CD38: variants seen among roughly 807,000 people sequenced by gnomAD.
CD38 encodes the protein CD38 molecule.
CD38 carries 31 observed loss-of-function variants against 36.3 expected under a neutral mutation model. That is an observed-to-expected ratio of 0.85 (90% CI 0.64 to 1.15). CD38 has a LOEUF of 1.15. Ranked by LOEUF, CD38 falls within the 50% of genes most tolerant of loss-of-function variation. The pLI, the probability that CD38 is intolerant of heterozygous loss-of-function variation, is 0.00. For synonymous variants in CD38, 131 were observed against 135.2 expected, an observed-to-expected ratio of 0.97 and a Z score of 0.22; for missense variants, 380 against 371.9, an observed-to-expected ratio of 1.02 and a Z score of -0.18.
At chr4:15,785,028 C>T (rs1722781257) in intron 1 of CD38, among the ~76,000 whole-genome samples, 1 of 150,324 alleles carries the variant, frequency 6.7e-6, no homozygotes, top group African/African-American at 2.5e-5. Flanking sequence ...TACACTCCAG[C>T]CTGGGTGACA....
At chr4:15,841,205 T>TA in intron 7 of CD38, among the ~76,000 whole-genome samples, 1 of 152,302 alleles carries the variant, frequency 6.6e-6, no homozygotes, top group Non-Finnish European at 1.5e-5. Flanking sequence ...TGTAGGTAGG[T>TA]ACTCATTGGT....
chr4:15,810,247 G>A (rs1723441024), intron 1 of CD38, among the ~76,000 whole-genome samples: 2 of 152,104 alleles, frequency 1.3e-5, no homozygotes. Flanking sequence ...AAATAATTCT[G>A]GAGGTGTCTT....
chr4:15,785,736 C>CCA, intron 1 of CD38, among the ~76,000 whole-genome samples: 1 of 152,188 alleles, frequency 6.6e-6, no homozygotes, highest in Admixed American at 6.5e-5. Flanking sequence ...TTCTCTGAAT[C>CCA]CTGTCAGGAA....
intron 3 of CD38, among the ~76,000 whole-genome samples, chr4:15,826,758 G>GAA (rs58322156): frequency 5.4e-5 from 8 of 149,526 alleles, no homozygotes; most frequent in Admixed American, 2.0e-4. Flanking sequence ...ACTAAAAAAA[G>GAA]AAAAAAAAAG....
Position 15,778,448 on chromosome 4 carries a change from G to T in CD38, c.34G>T (p.Asp12Tyr). ...CTGCGAGTTCAGCCCGGTGTCCGGG[G>T]ACAAACCCTGCTGCCGGCTCTCTAG... ...ANCEFSPVSG[D>Y]KPCCRLSRRA... is the part of the protein sequence containing the mutation. Residue 12 changes from aspartate (D) to tyrosine (Y), a missense_variant, in exon 1 of 8, where the codon GAC (aspartate) becomes TAC (tyrosine). Asp to Tyr is a radical substitution (Grantham distance 160). Coordinates refer to ENST00000226279, the MANE Select transcript of CD38 (RefSeq NM_001775.4). The surrounding 1 kb of genome is among the most constrained non-coding windows in gnomAD (Gnocchi z 4.9). 1.2e-6 allele frequency: 2 copies of T among 1,613,948 alleles called. No individual in the cohort carries two copies. The highest frequency in any genetic ancestry group is 2.2e-5 in the East Asian group (1 of 44,826).
intron 1 of CD38, among the ~76,000 whole-genome samples, chr4:15,788,030 A>G (rs1259163954): frequency 6.6e-6 from 1 of 152,156 alleles, no homozygotes; most frequent in Non-Finnish European, 1.5e-5. Flanking sequence ...CCTTCAGCTT[A>G]TTCTCCCCCG....
At position 15,824,907 on chromosome 4, in the gene CD38, T is replaced by C. The variant is rs1345788930; in HGVS notation, c.390T>C (p.Asp130=). ...TTCTTCTTTGGAGCAGAATAAAAGA[T>C]CTGGCCCATCAGTTCACACAGGTCC... The part of the protein sequence containing the change: ...NKILLWSRIK[D]LAHQFTQVQR... Residue 130 remains aspartate (D), a synonymous_variant, in exon 3 of 8, where the codon GAT becomes GAC. Transcript: ENST00000226279. 9 of 1,613,622 alleles carry C rather than the reference T, an allele frequency of 5.6e-6. No individual in the cohort carries two copies. The highest frequency in any genetic ancestry group is 5.9e-6 in the Non-Finnish European group (7 of 1,179,696).
At chr4:15,830,615 T>C (rs1723940687) in intron 3 of CD38, among the ~76,000 whole-genome samples, 1 of 152,154 alleles carries the variant, frequency 6.6e-6, no homozygotes, top group Non-Finnish European at 1.5e-5. Flanking sequence ...TGTTTGTTCA[T>C]TTTGCTTTCG....
intron 3 of CD38, among the ~76,000 whole-genome samples, chr4:15,831,880 T>A (rs1047901893): frequency 2.0e-5 from 3 of 152,196 alleles, no homozygotes; most frequent in Admixed American, 6.5e-5. Flanking sequence ...ACTTTCTACC[T>A]GTATCTCTTT....
rs1244532852 is a variant in CD38, at chr4:15,778,585, G to C, written c.171G>C (p.Lys57Asn). The change falls in exon 1 of 8, where the codon AAG becomes AAC. Residue 57 changes from lysine to asparagine, a missense_variant. Coordinates refer to ENST00000226279, the MANE Select transcript of CD38 (RefSeq NM_001775.4). This position sits in a 1 kb window ranked among gnomAD's most constrained non-coding sequence, Gnocchi z 4.9. ...AGTGGAGCGGTCCGGGCACCACCAA[G>C]CGCTTTCCCGAGACCGTCCTGGCGC... ...RQQWSGPGTT[K>N]RFPETVLARC... The C allele has an allele frequency of 6.2e-7, 1 of 1,613,684 alleles. No individual in the cohort carries two copies. The highest frequency in any genetic ancestry group is 1.7e-5 in the Admixed American group (1 of 60,034).
chr4:15,796,345 G>T (rs1723103962), intron 1 of CD38, among the ~76,000 whole-genome samples: 1 of 151,888 alleles, frequency 6.6e-6, no homozygotes, highest in South Asian at 2.1e-4. Context: ...CCCAGGTCTG[G>T]CTTTCTTCAT....
intron 5 of CD38, among the ~76,000 whole-genome samples, chr4:15,839,411 A>ATTTT (rs1724150668): frequency 7.4e-5 from 8 of 108,196 alleles, no homozygotes; most frequent in African/African-American, 3.0e-4. Context: ...GAAATTCTAC[A>ATTTT]TTTCTTTTTT....
Position 15,797,407 on chromosome 4 carries a change from T to C in CD38, c.233+18760T>C, listed in dbSNP as rs190797253. Among the ~76,000 whole-genome samples, 37 of 152,340 alleles carry C rather than the reference T, an allele frequency of 2.4e-4. No homozygotes were observed. In the East Asian group the frequency reaches 7.1e-3, roughly 29 times the overall value. On this transcript the variant is annotated intron_variant, in intron 1 of 7. Coordinates refer to ENST00000226279, the MANE Select transcript of CD38 (RefSeq NM_001775.4). ...CTGTTATCTTTTTTGTCAGTTTTTGTGGGCATAAACAATGCTAAAGCATAC... is the reference window on the plus strand; with the variant it reads ...CTGTTATCTTTTTTGTCAGTTTTTGCGGGCATAAACAATGCTAAAGCATAC...
chr4:15,816,821 G>T (rs1208911003), intron 2 of CD38, 181 bp downstream of exon 2: 1 of 646,344 alleles, frequency 1.5e-6, no homozygotes, highest in East Asian at 3.0e-5. Context: ...TAAGATTTAG[G>T]ACATCTGGAG....
intron 4 of CD38, among the ~76,000 whole-genome samples, chr4:15,835,537 C>T (rs538303099): frequency 2.6e-5 from 4 of 151,898 alleles, no homozygotes; most frequent in Admixed American, 1.3e-4. Context: ...GCCACTATGC[C>T]CGGCTAATTT....
intron 1 of CD38, among the ~76,000 whole-genome samples, chr4:15,785,800 C>T (rs1182851448): frequency 6.6e-6 from 1 of 152,200 alleles, no homozygotes; most frequent in Non-Finnish European, 1.5e-5. Context: ...CTTGGTCTCA[C>T]TAACTTCAAG....
In CD38 at chr4:15,780,290, TTCCCACAATC is replaced by T. The variant is rs1232958346; in HGVS notation, c.233+1646_233+1655del. On this transcript the variant is annotated intron_variant, in intron 1 of 7. Coordinates refer to ENST00000226279, the MANE Select transcript of CD38 (RefSeq NM_001775.4). ...TCATCAGTCTATCAGAGGGGATGCT[TTCCCACAATC>T]TCTTGAATGCTGAATATTTTCAACT... Among the ~76,000 whole-genome samples the T allele has an allele frequency of 1.2e-4, 18 of 152,280 alleles. 1 individual carries two copies. In the East Asian group the frequency reaches 3.1e-3, roughly 26 times the overall value.
chr4:15,788,983 A>G (rs1289164978), intron 1 of CD38, among the ~76,000 whole-genome samples: 2 of 152,184 alleles, frequency 1.3e-5, no homozygotes, highest in Non-Finnish European at 2.9e-5. Flanking sequence ...ATCTAACTTC[A>G]TAAGGTTCGA....
chr4:15,820,555 C>G (rs1027796656), intron 2 of CD38, among the ~76,000 whole-genome samples: 3 of 151,936 alleles, frequency 2.0e-5, no homozygotes, highest in Non-Finnish European at 4.4e-5. Context: ...TATGACAAAA[C>G]AGACTTTAAA....
Sources: gnomAD v4.1 joint callset for allele counts (sites outside exome capture counted in the v4.1 genomes callset) on GRCh38, gnomAD v4.1.1 for gene constraint, Gnocchi (gnomAD v3.1) non-coding constraint, MANE v1.5 for transcripts, NCBI Gene and HGNC (gene_info 2026-07-23, HGNC 2026-07-21) for gene names.